CLCN2: variants seen among roughly 807,000 people sequenced by gnomAD.
CLCN2 encodes the protein chloride channel protein 2.
In CLCN2, 72 loss-of-function variants were observed where a neutral mutation model predicts 108.3. The ratio of observed to expected loss-of-function variants is 0.66; its 90% CI spans 0.55 to 0.81. CLCN2 has a LOEUF of 0.81. CLCN2 is among the 30% of genes least tolerant of loss of function. The pLI is 0.00. For missense variants in CLCN2, 1,048 were observed against 1,205.2 expected (o/e 0.87, Z 1.93); for synonymous variants, 471 against 467.1 (o/e 1.01, Z -0.11).
At position 184,353,295 on chromosome 3, in the gene CLCN2, A is replaced by G. The variant is rs774662841; in HGVS notation, c.1983T>C (p.Ser661=). Residue 661 remains serine (S), a synonymous_variant, in exon 17 of 24, where the codon TCT becomes TCC. Coordinates refer to ENST00000265593, the MANE Select transcript of CLCN2 (RefSeq NM_004366.6). ...CAGGGGTAGGGGGACCCTCCTGATC[A>G]GATAGTGGAGAGGTCTGGGTGGCTC... ...ERRATQTSPL[S]DQEGPPTPEA... The G allele has an allele frequency of 6.2e-7, 1 of 1,613,734 alleles. No individual in the cohort carries two copies. Among genetic ancestry groups the G allele is most frequent in the Non-Finnish European group, 8.5e-7 (1 of 1,179,992 alleles).
In CLCN2 at chr3:184,359,198, T is replaced by C. The variant is rs1711661960; in HGVS notation, c.64-67A>G. Reference sequence around the variant, plus strand: ...TGAGTGGGAACGCAGGGAGAGTTCTTAGAGCCTCCACTCCTCTTCTCCCAG... The same window carrying C: ...TGAGTGGGAACGCAGGGAGAGTTCTCAGAGCCTCCACTCCTCTTCTCCCAG... On this transcript the variant is annotated intron_variant, in intron 1 of 23. Transcript: ENST00000265593. 6 of 1,575,352 alleles carry C rather than the reference T, an allele frequency of 3.8e-6. No homozygotes were observed. The African/African-American group carries it at 8.1e-5, about 21-fold the overall frequency.
In CLCN2 at chr3:184,355,379, T is replaced by C. The variant is rs1455647675; in HGVS notation, c.1321A>G (p.Met441Val). ...TGTACACGTGAGGAGCCCACCTTCA[T>C]GAGAATGAAGATGACCAGGGTGAGG... Reference protein sequence around the residue: ...VFLTLVIFILMKFWMSALATT... With the variant: ...VFLTLVIFILVKFWMSALATT... The change falls in exon 12 of 24, where the codon ATG (methionine) becomes GTG (valine). Residue 441 changes from methionine (M) to valine (V), a missense_variant. Transcript: ENST00000265593. This position sits in a 1 kb window ranked among gnomAD's most constrained non-coding sequence, Gnocchi z 6.3. The C allele has an allele frequency of 1.9e-6, 3 of 1,612,904 alleles. No individual in the cohort carries two copies. The highest frequency in any genetic ancestry group is 1.7e-6 in the Non-Finnish European group (2 of 1,179,318).
Position 184,361,339 on chromosome 3 carries a change from T to C in CLCN2, c.63+78A>G, listed in dbSNP as rs2108582310. The C allele has an allele frequency of 6.9e-7, 1 of 1,450,008 alleles. No homozygotes were observed. Among genetic ancestry groups the C allele is most frequent in the South Asian group, 1.1e-5 (1 of 87,878 alleles). The allele number at this position is 1,450,008 out of a possible 1,614,324, so 89.8% of individuals were successfully genotyped here. A position where few individuals can be genotyped will look rare whatever the true frequency, so the allele number is the denominator to read the frequency against. ...CTAGGACAGGATTAGGGTAGGCCCC[T>C]GGTCCTCGCGCTTCCCAGGGTAACC... On this transcript the variant is annotated intron_variant, in intron 1 of 23. Coordinates refer to ENST00000265593, the MANE Select transcript of CLCN2 (RefSeq NM_004366.6). This position sits in a 1 kb window ranked among gnomAD's most constrained non-coding sequence, Gnocchi z 6.6.
chr3:184,354,859 G>A, intron 13 of CLCN2, 45 bp downstream of exon 13: 3 of 1,594,694 alleles, frequency 1.9e-6, no homozygotes, highest in Non-Finnish European at 2.6e-6. Flanking sequence ...GTGGCCAGAG[G>A]CTGAGGAAGG....
chr3:184,358,601 C>T, intron 3 of CLCN2, 81 bp downstream of exon 3: 2 of 1,533,042 alleles, frequency 1.3e-6, no homozygotes, highest in Middle Eastern at 2.3e-4. Flanking sequence ...AGCCAAGACG[C>T]CTTCCTCCAT....
intron 15 of CLCN2, 144 bp downstream of exon 15, chr3:184,353,957 G>C: frequency 7.5e-7 from 1 of 1,338,752 alleles, no homozygotes; most frequent in Middle Eastern, 2.3e-4. Context: ...GCAGGGGCCA[G>C]CTACAGCCCC....
At chr3:184,353,457 G>A (rs750155295) in intron 16 of CLCN2, 35 bp from the exon 17 acceptor site, 3 of 1,577,432 alleles carry the variant, frequency 1.9e-6, no homozygotes, top group African/African-American at 2.7e-5. Flanking sequence ...CAGGAGCTGA[G>A]AGGGAGCCCT....
At position 184,357,787 on chromosome 3, in the gene CLCN2, T is replaced by C. The variant is rs766609731; in HGVS notation, c.685A>G (p.Ile229Val). Residue 229 changes from isoleucine (I) to valine (V), a missense_variant, in exon 6 of 24, where the codon ATC becomes GTC. Transcript: ENST00000265593. ...CCCAGGGTTCCCCTTACCTCATAGA[T>C]ACCCCCAAAGAGGGAGAGGAACTTG... ...LSKFLSLFGG[I>V]YENESRNTEM... 4.3e-6 allele frequency: 7 copies of C among 1,613,934 alleles called. No homozygotes were observed. The highest frequency in any genetic ancestry group is 5.9e-6 in the Non-Finnish European group (7 of 1,179,986).
chr3:184,355,167 G>T lies in CLCN2; in HGVS notation c.1327-194C>A. 2 of 780,904 alleles carry T rather than the reference G, an allele frequency of 2.6e-6. No individual in the cohort carries two copies. The highest frequency in any genetic ancestry group is 1.6e-5 in the South Asian group (1 of 63,828). The allele number at this position is 780,904 out of a possible 1,614,324, so 48.4% of individuals were successfully genotyped here. ...AGGGGAAGGACTCTGGAAGCAGATG[G>T]CTTGGGTTCAGATCATCGCTCTGCC... On this transcript the variant is annotated intron_variant, in intron 12 of 23. Transcript: ENST00000265593. This position sits in a 1 kb window ranked among gnomAD's most constrained non-coding sequence, Gnocchi z 6.3.
In CLCN2 at chr3:184,357,979, T is replaced by TC. The variant is rs515726131; in HGVS notation, c.597dup (p.Met200AspfsTer32). 3 of 1,614,012 alleles carry TC rather than the reference T, an allele frequency of 1.9e-6. No individual in the cohort carries two copies. Among genetic ancestry groups the TC allele is most frequent in the Non-Finnish European group, 1.7e-6 (2 of 1,180,040 alleles). ...GCAGTTACCTCTTTGCCAAGCGGCATCCCGCTGCCTAGGGCGCAGGTCAGC... is the reference window on the plus strand; with the variant it reads ...GCAGTTACCTCTTTGCCAAGCGGCATCCCCGCTGCCTAGGGCGCAGGTCAGC... On this transcript the variant is annotated frameshift_variant, in exon 5 of 24. Coordinates refer to ENST00000265593, the MANE Select transcript of CLCN2 (RefSeq NM_004366.6). LOFTEE classifies it high-confidence loss of function.
Position 184,353,102 on chromosome 3 carries a change from G to C in CLCN2, c.2074C>G (p.His692Asp). 6.2e-7 allele frequency: 1 copy of C among 1,614,134 alleles called. No homozygotes were observed. Among genetic ancestry groups the C allele is most frequent in the Non-Finnish European group, 8.5e-7 (1 of 1,180,024 alleles). The part of the protein sequence containing the change: ...SAFPAARGET[H>D]KPLKPALKRG... The stretch of plus-strand genomic sequence containing the variant: ...TTGAGTGCAGGCTTTAGGGGCTTGT[G>C]GGTCTCCCCCCGGGCTGCTGGGAAG... Residue 692 changes from histidine (H) to aspartate (D), a missense_variant, in exon 18 of 24, where the codon CAC (histidine) becomes GAC (aspartate). His to Asp is a moderately conservative substitution (Grantham distance 81, BLOSUM62 -1). Coordinates refer to ENST00000265593, the MANE Select transcript of CLCN2 (RefSeq NM_004366.6).
Position 184,353,167 on chromosome 3 carries a change from C to A in CLCN2, c.2029-20G>T, listed in dbSNP as rs1372217209. ...GTTCACCTGCATAGGCAGGAAGGGG[C>A]TGGTGAGGCCACGGCCCCAGACCAC... On this transcript the variant is annotated intron_variant, in intron 17 of 23. Coordinates refer to ENST00000265593, the MANE Select transcript of CLCN2 (RefSeq NM_004366.6). The A allele has an allele frequency of 6.2e-7, 1 of 1,613,328 alleles. No individual in the cohort carries two copies. The highest frequency in any genetic ancestry group is 1.3e-5 in the African/African-American group (1 of 74,914).
In CLCN2 at chr3:184,353,745, A is replaced by G. The variant is rs1728312598; in HGVS notation, c.1772T>C (p.Val591Ala). 1.9e-6 allele frequency: 3 copies of G among 1,607,530 alleles called. No individual in the cohort carries two copies. Residue 591 changes from valine to alanine, a missense_variant, in exon 16 of 24, where the codon GTG becomes GCG. Coordinates refer to ENST00000265593, the MANE Select transcript of CLCN2 (RefSeq NM_004366.6). Reference sequence around the variant, plus strand: ...GTCCCGGAAGGTGCAGCTGAGGGCCACATGGGGAACATCCCGCACCATGAT... The same window carrying G: ...GTCCCGGAAGGTGCAGCTGAGGGCCGCATGGGGAACATCCCGCACCATGAT... Reference protein sequence around the residue: ...EDIMVRDVPHVALSCTFRDLR... With the variant: ...EDIMVRDVPHAALSCTFRDLR...
At chr3:184,351,958 TC>T (rs1365353297) in intron 22 of CLCN2, 54 bp downstream of exon 22, 81 of 1,296,370 alleles carry the variant, frequency 6.2e-5, no homozygotes, top group Non-Finnish European at 8.7e-5. Flanking sequence ...GGGACCAAGA[TC>T]CCCACTGTGT....
chr3:184,352,545 A>G (rs1266837968), intron 19 of CLCN2, 49 bp from the exon 20 acceptor site: 1 of 1,588,650 alleles, frequency 6.3e-7, no homozygotes, highest in Non-Finnish European at 8.6e-7. Context: ...TTGAGGTTAT[A>G]GGGAGAGGGG....
At chr3:184,352,882 G>A in intron 18 of CLCN2, 72 bp from the exon 19 acceptor site, 2 of 1,581,238 alleles carry the variant, frequency 1.3e-6, no homozygotes, top group Non-Finnish European at 1.7e-6. Context: ...AGGTAAGGAA[G>A]ACACAGGGAG....
intron 22 of CLCN2, among the ~76,000 whole-genome samples, chr3:184,350,466 G>T (rs184611027): frequency 1.3e-5 from 2 of 151,566 alleles, no homozygotes; most frequent in South Asian, 4.2e-4. Context: ...ATGGAGTTTC[G>T]CTTTTGTCAC....
At position 184,357,495 on chromosome 3, in the gene CLCN2, G is replaced by C. The variant is rs758953244; in HGVS notation, c.773-8C>G. The C allele has an allele frequency of 7.4e-6, 12 of 1,614,170 alleles. No individual in the cohort carries two copies. Among genetic ancestry groups the C allele is most frequent in the East Asian group, 2.2e-5 (1 of 44,882 alleles). Reference sequence around the variant, plus strand: ...CGATGCTGAAGAGGACGCCTGTGAGGGGGAGGGAGACCAGCACTTGAGGCC... The same window carrying C: ...CGATGCTGAAGAGGACGCCTGTGAGCGGGAGGGAGACCAGCACTTGAGGCC... On this transcript the variant is annotated splice_region_variant and splice_polypyrimidine_tract_variant and intron_variant, in intron 7 of 23. Coordinates refer to ENST00000265593, the MANE Select transcript of CLCN2 (RefSeq NM_004366.6).
Position 184,346,664 on chromosome 3 carries a change from G to A in CLCN2, c.2639C>T (p.Ser880Phe). ...TEVHALWGPH[S>F]RHGLPREGSP... is the part of the protein sequence containing the mutation. ...GCCCTCCCGGGGGAGGCCATGACGG[G>A]AGTGGGGCCCCCAGAGTGCATGCAC... The change falls in exon 24 of 24, where the codon TCC becomes TTC. Residue 880 changes from serine (S) to phenylalanine (F), a missense_variant. Coordinates refer to ENST00000265593, the MANE Select transcript of CLCN2 (RefSeq NM_004366.6). This position sits in a 1 kb window ranked among gnomAD's most constrained non-coding sequence, Gnocchi z 6.0. The A allele has an allele frequency of 6.2e-7, 1 of 1,614,206 alleles. No homozygotes were observed. Among genetic ancestry groups the A allele is most frequent in the Non-Finnish European group, 8.5e-7 (1 of 1,180,048 alleles).
Sources: gnomAD v4.1 joint callset for allele counts (sites outside exome capture counted in the v4.1 genomes callset) on GRCh38, gnomAD v4.1.1 for gene constraint, Gnocchi (gnomAD v3.1) non-coding constraint, MANE v1.5 for transcripts, NCBI Gene and HGNC (gene_info 2026-07-23, HGNC 2026-07-21) for gene names.